The following STXBP6 variants were observed in gnomAD, a reference collection of about 807,000 sequenced individuals.
STXBP6 encodes the protein syntaxin binding protein 6, also known as syntaxin-binding protein 6.
Under a neutral mutation model 26.9 loss-of-function variants are expected in STXBP6, and 21 were observed. The ratio of observed to expected loss-of-function variants is 0.78; its 90% confidence interval spans 0.55 to 1.12. The LOEUF (loss-of-function observed/expected upper bound fraction) is 1.12, where lower values mean the gene tolerates loss of function less well. Among genes scored for constraint, STXBP6 ranks in the 50% most tolerant of loss-of-function variants. The probability of loss-of-function intolerance (pLI) is 0.00; values close to 1 mark genes in which losing one functional copy is unlikely to be tolerated. For missense variants in STXBP6, 232 were observed against 257.9 expected (o/e 0.90, Z 0.69); for synonymous variants, 97 against 92.6 (o/e 1.05, Z -0.27).
intron 1 of STXBP6, among the ~76,000 whole-genome samples, chr14:25,017,932 G>A (rs905649219): frequency 2.6e-5 from 4 of 152,126 alleles, no homozygotes; most frequent in Non-Finnish European, 4.4e-5. Flanking sequence ...TGTTCTGTTT[G>A]CTCAGGCTTC....
chr14:24,898,970 T>C (rs919812236), intron 2 of STXBP6, among the ~76,000 whole-genome samples: 1 of 152,186 alleles, frequency 6.6e-6, no homozygotes, highest in African/African-American at 2.4e-5. Context: ...CCACTGGCCA[T>C]TGCTGATCAG....
intron 1 of STXBP6, among the ~76,000 whole-genome samples, chr14:25,005,505 G>C: frequency 6.6e-6 from 1 of 152,190 alleles, no homozygotes. Flanking sequence ...GTCATCCAAA[G>C]AGCTGAGATC....
At chr14:24,873,983 C>G (rs2139362375) in intron 2 of STXBP6, among the ~76,000 whole-genome samples, 1 of 152,266 alleles carries the variant, frequency 6.6e-6, no homozygotes, top group African/African-American at 2.4e-5. Flanking sequence ...TGCAAAAGCC[C>G]TTCGTTGTCA....
At chr14:24,926,378 A>T (rs909532382) in intron 2 of STXBP6, among the ~76,000 whole-genome samples, 7 of 152,088 alleles carry the variant, frequency 4.6e-5, no homozygotes, top group Non-Finnish European at 8.8e-5. Context: ...TGTTGCTTGG[A>T]CTAGTCCTGT....
At chr14:24,984,048 A>T (rs931200250) in intron 1 of STXBP6, among the ~76,000 whole-genome samples, 1 of 152,202 alleles carries the variant, frequency 6.6e-6, no homozygotes, top group South Asian at 2.1e-4. Flanking sequence ...CCTGGCCAAC[A>T]TGATGAAACC....
chr14:24,845,506 TC>T (rs1792698161), intron 4 of STXBP6, among the ~76,000 whole-genome samples: 1 of 152,158 alleles, frequency 6.6e-6, no homozygotes, highest in African/African-American at 2.4e-5. Context: ...TCATAAAAAG[TC>T]TAGGTGCTTC....
At chr14:25,034,546 C>T (rs375807906) in intron 1 of STXBP6, among the ~76,000 whole-genome samples, 6 of 152,146 alleles carry the variant, frequency 3.9e-5, no homozygotes, top group Admixed American at 1.3e-4. Context: ...CCTCTAGTCA[C>T]GCACTGCCTC....
intron 2 of STXBP6, among the ~76,000 whole-genome samples, chr14:24,921,965 C>T (rs774766157): frequency 6.6e-6 from 1 of 151,922 alleles, no homozygotes; most frequent in African/African-American, 2.4e-5. Flanking sequence ...CAGTGGACTC[C>T]CATATTCCTC....
chr14:24,988,231 A>G (rs768099780), intron 1 of STXBP6, among the ~76,000 whole-genome samples: 5 of 152,236 alleles, frequency 3.3e-5, no homozygotes, highest in Non-Finnish European at 5.9e-5. Flanking sequence ...TAACAGAGGT[A>G]ACAAAGAAAA....
intron 4 of STXBP6, among the ~76,000 whole-genome samples, chr14:24,836,512 T>C (rs866724127): frequency 6.7e-5 from 10 of 148,958 alleles, no homozygotes; most frequent in Middle Eastern, 6.8e-3. Flanking sequence ...TCAGGAAGAA[T>C]TGCTTGAACC....
chr14:24,828,767 A>G (rs535210056), intron 4 of STXBP6, among the ~76,000 whole-genome samples: 1 of 152,348 alleles, frequency 6.6e-6, no homozygotes, highest in African/African-American at 2.4e-5. Context: ...AGAAACTTCT[A>G]GACAACGTGA....
intron 2 of STXBP6, among the ~76,000 whole-genome samples, chr14:24,887,939 C>A (rs545828730): frequency 6.6e-6 from 1 of 152,132 alleles, no homozygotes; most frequent in African/African-American, 2.4e-5. Flanking sequence ...TTTTGCTATT[C>A]TCCACTCTAT....
intron 2 of STXBP6, among the ~76,000 whole-genome samples, chr14:24,932,224 T>A (rs572537358): frequency 6.6e-6 from 1 of 152,226 alleles, no homozygotes; most frequent in South Asian, 2.1e-4. Context: ...CTGGCTAACA[T>A]GGTGAAACTC....
At chr14:25,005,516 A>G (rs1024584110) in intron 1 of STXBP6, among the ~76,000 whole-genome samples, 35 of 152,240 alleles carry the variant, frequency 2.3e-4, no homozygotes, top group Admixed American at 2.2e-3. Context: ...AGCTGAGATC[A>G]AGAAATTGTA....
chr14:24,850,495 GCCA>G (rs2069114477), intron 4 of STXBP6, among the ~76,000 whole-genome samples: 9 of 152,070 alleles, frequency 5.9e-5, no homozygotes, highest in Non-Finnish European at 1.2e-4. Context: ...AAAACAATCT[GCCA>G]CATTCAAATT....
At chr14:24,982,067 A>C (rs376094980) in intron 1 of STXBP6, among the ~76,000 whole-genome samples, 3 of 152,208 alleles carry the variant, frequency 2.0e-5, no homozygotes. Context: ...TTTTGAAACA[A>C]GGAAACAGGT....
chr14:24,938,890 G>T (rs1357493626), intron 2 of STXBP6, among the ~76,000 whole-genome samples: 2 of 152,104 alleles, frequency 1.3e-5, no homozygotes, highest in African/African-American at 4.8e-5. Context: ...TTAAACCATT[G>T]TGGCAGTACA....
At chr14:24,944,138 C>G (rs781152653) in intron 2 of STXBP6, among the ~76,000 whole-genome samples, 1 of 152,132 alleles carries the variant, frequency 6.6e-6, no homozygotes, top group Non-Finnish European at 1.5e-5. Context: ...CTTCAAGGAA[C>G]CAACGAGTGA....
At chr14:25,009,850 T>C (rs2074991478) in intron 1 of STXBP6, among the ~76,000 whole-genome samples, 1 of 152,128 alleles carries the variant, frequency 6.6e-6, no homozygotes, top group African/African-American at 2.4e-5. Flanking sequence ...TCAAAGCCAT[T>C]ATTTACTTTT....
Sources: gnomAD v4.1 joint callset for allele counts (sites outside exome capture counted in the v4.1 genomes callset) on GRCh38, gnomAD v4.1.1 for gene constraint, MANE v1.5 for transcripts, NCBI Gene and HGNC (gene_info 2026-07-23, HGNC 2026-07-21) for gene names.